The following DYM variants were observed in gnomAD, a reference collection of about 807,000 sequenced individuals.
DYM encodes dymeclin.
In DYM, 78 loss-of-function variants were observed where a neutral mutation model predicts 93.1. The observed-to-expected ratio is 0.84, with a 90% CI of 0.70 to 1.01. The LOEUF (loss-of-function observed/expected upper bound fraction) is 1.01, where lower values mean the gene tolerates loss of function less well. Ranked by LOEUF, DYM falls within the 50% of genes least tolerant of loss-of-function variation. The pLI is 0.00. For synonymous variants in DYM, 321 were observed against 319.7 expected (o/e 1.00, Z -0.04); for missense variants, 789 against 845.0 (o/e 0.93, Z 0.82).
At chr18:49,219,127 C>A (rs1379542255) in intron 13 of DYM, among the ~76,000 whole-genome samples, 1 of 152,174 alleles carries the variant, frequency 6.6e-6, no homozygotes, top group Non-Finnish European at 1.5e-5. Flanking sequence ...ACTACAAACA[C>A]CTCTACGCAA....
intron 11 of DYM, among the ~76,000 whole-genome samples, chr18:49,258,992 A>C (rs1191427906): frequency 6.6e-6 from 1 of 150,876 alleles, no homozygotes; most frequent in Non-Finnish European, 1.5e-5. Flanking sequence ...AAAAAAAAAA[A>C]CAAACCAACA....
chr18:49,278,439 G>A (rs1412792389), intron 10 of DYM, among the ~76,000 whole-genome samples: 1 of 152,058 alleles, frequency 6.6e-6, no homozygotes, highest in Non-Finnish European at 1.5e-5. Context: ...ACAATGCCCT[G>A]ATTAAGAAAG....
In DYM at chr18:49,221,201, A is replaced by G. The variant is rs1383323646; in HGVS notation, c.1461-11486T>C. Among the ~76,000 whole-genome samples, 107 of 152,226 alleles carry G rather than the reference A, an allele frequency of 7.0e-4. 2 individuals are homozygous for G. The South Asian group carries it at 0.022, about 31-fold the overall frequency. On this transcript the variant is annotated intron_variant, in intron 13 of 17. Coordinates refer to ENST00000675505, the MANE Select transcript of DYM (RefSeq NM_001353214.3). ...CAGAGAAATGCAAATCAAAACCACA[A>G]TGAGATACCATCTCACACCAGTTAG...
chr18:49,075,611 C>T (rs1344969207), intron 17 of DYM, among the ~76,000 whole-genome samples: 2 of 152,068 alleles, frequency 1.3e-5, no homozygotes, highest in South Asian at 2.1e-4. Flanking sequence ...GCCACTGGTA[C>T]GAGGAAAACT....
intron 2 of DYM, among the ~76,000 whole-genome samples, chr18:49,402,685 C>T (rs1258741600): frequency 2.6e-5 from 4 of 152,104 alleles, no homozygotes; most frequent in East Asian, 1.9e-4. Context: ...GAATATGGAA[C>T]GTCTCTGCAC....
chr18:49,196,026 C>T (rs1018643343), intron 14 of DYM, among the ~76,000 whole-genome samples: 3 of 144,354 alleles, frequency 2.1e-5, no homozygotes, highest in Admixed American at 7.3e-5. Flanking sequence ...CGGGTTCAAG[C>T]GAATTCTCCT....
At chr18:49,212,621 A>C (rs926855867) in intron 13 of DYM, among the ~76,000 whole-genome samples, 1 of 152,008 alleles carries the variant, frequency 6.6e-6, no homozygotes, top group Non-Finnish European at 1.5e-5. Flanking sequence ...TCAGCCTCCC[A>C]AATAGCTGGA....
intron 3 of DYM, chr18:49,391,355 G>T: frequency 2.1e-6 from 1 of 475,162 alleles, no homozygotes. Context: ...CAAGACGAAA[G>T]AGTGTCTATG....
chr18:49,254,289 TATATATATATATATA>T (rs2094347288), intron 13 of DYM, among the ~76,000 whole-genome samples: 1 of 922 alleles, frequency 1.1e-3, no homozygotes, highest in Non-Finnish European at 4.7e-3. Context: ...ATCATATATA[TATATATATATATATA>T]TATATATATA....
chr18:49,339,827 C>A (rs1036272498), intron 6 of DYM, among the ~76,000 whole-genome samples: 20 of 152,172 alleles, frequency 1.3e-4, no homozygotes, highest in Non-Finnish European at 2.9e-5. Context: ...CACGAAACAT[C>A]CATTATTTGT....
At chr18:49,217,919 G>A (rs1477857611) in intron 13 of DYM, among the ~76,000 whole-genome samples, 3 of 152,184 alleles carry the variant, frequency 2.0e-5, no homozygotes, top group Non-Finnish European at 2.9e-5. Context: ...AACTTTAAAT[G>A]TAAATGGACT....
intron 14 of DYM, among the ~76,000 whole-genome samples, chr18:49,196,208 G>C (rs1017127639): frequency 6.6e-6 from 1 of 152,104 alleles, no homozygotes; most frequent in Non-Finnish European, 1.5e-5. Flanking sequence ...TTACAGGTGT[G>C]AGCCACTGCA....
At chr18:49,086,106 C>T (rs1241514105) in intron 17 of DYM, among the ~76,000 whole-genome samples, 1 of 152,194 alleles carries the variant, frequency 6.6e-6, no homozygotes, top group African/African-American at 2.4e-5. Context: ...TTGGGTCCTG[C>T]AGTCATTGGA....
rs112538195 is a variant in DYM, at chr18:49,419,952, T to C, written c.140+10303A>G. Among the ~76,000 whole-genome samples, 1,185 of 152,320 alleles carry C rather than the reference T, an allele frequency of 7.8e-3. 34 individuals are homozygous for C. Among genetic ancestry groups the C allele is most frequent in the South Asian group, 0.076 (368 of 4,830 alleles). ...TCCTCTAAGTCGTATCACTATCACA[T>C]GAGCAGCAGTACTCAGTGATAATTC... On this transcript the variant is annotated intron_variant, in intron 2 of 17. Transcript: ENST00000675505.
intron 2 of DYM, among the ~76,000 whole-genome samples, chr18:49,419,468 C>G (rs112716210): frequency 6.6e-6 from 1 of 152,038 alleles, no homozygotes; most frequent in Non-Finnish European, 1.5e-5. Context: ...TGGCACAGGT[C>G]GACAAAAATG....
At chr18:49,254,387 GA>G (rs1433662676) in intron 13 of DYM, among the ~76,000 whole-genome samples, 1 of 149,926 alleles carries the variant, frequency 6.7e-6, no homozygotes, top group African/African-American at 2.5e-5. Context: ...TTGAGGTCAG[GA>G]AACTTTATTA....
At chr18:49,234,081 A>T (rs946875770) in intron 13 of DYM, among the ~76,000 whole-genome samples, 1 of 152,104 alleles carries the variant, frequency 6.6e-6, no homozygotes, top group African/African-American at 2.4e-5. Flanking sequence ...GTGAGCCGTG[A>T]TCGCACCACT....
chr18:49,262,370 A>G (rs1288519460), intron 11 of DYM, among the ~76,000 whole-genome samples: 1 of 152,152 alleles, frequency 6.6e-6, no homozygotes. Flanking sequence ...AGAAGACAAT[A>G]AATTTCTATT....
At chr18:49,156,076 C>T (rs2086381251) in intron 15 of DYM, among the ~76,000 whole-genome samples, 1 of 152,120 alleles carries the variant, frequency 6.6e-6, no homozygotes, top group Admixed American at 6.5e-5. Flanking sequence ...CCTTTTTATT[C>T]TGGCCATCAA....
Sources: allele counts gnomAD v4.1 joint callset (sites outside exome capture counted in the v4.1 genomes callset), GRCh38; gene constraint gnomAD v4.1.1; transcripts MANE v1.5; gene names NCBI Gene and HGNC (gene_info 2026-07-23, HGNC 2026-07-21).